TAFA2: variants seen among roughly 807,000 people sequenced by gnomAD.
TAFA2 encodes TAFA chemokine like family member 2.
Under a neutral mutation model 18.8 loss-of-function variants are expected in TAFA2, and 7 were observed. The ratio of observed to expected loss-of-function variants is 0.37; its 90% CI spans 0.21 to 0.70. The LOEUF (loss-of-function observed/expected upper bound fraction) is 0.70, where lower values mean the gene tolerates loss of function less well. Among genes scored for constraint, TAFA2 ranks in the 30% least tolerant of loss-of-function variants. The probability of loss-of-function intolerance (pLI) is 0.53; values close to 1 mark genes in which losing one functional copy is unlikely to be tolerated. For synonymous variants in TAFA2, 60 were observed against 54.2 expected, an observed-to-expected ratio of 1.11 and a Z score of -0.47; for missense variants, 122 against 158.1, an observed-to-expected ratio of 0.77 and a Z score of 1.23.
intron 1 of TAFA2, among the ~76,000 whole-genome samples, chr12:61,886,701 T>C (rs1310483621): frequency 6.6e-6 from 1 of 152,208 alleles, no homozygotes; most frequent in Admixed American, 6.5e-5. Flanking sequence ...AGGATGTACA[T>C]TAACAAAAGG....
At chr12:62,218,493 T>C (rs898417680) in intron 1 of TAFA2, among the ~76,000 whole-genome samples, 1 of 152,224 alleles carries the variant, frequency 6.6e-6, no homozygotes, top group African/African-American at 2.4e-5. Context: ...CACAATTTGC[T>C]ATTCAGCAAA....
chr12:62,223,042 T>TC (rs2062770571), intron 1 of TAFA2, among the ~76,000 whole-genome samples: 1 of 152,126 alleles, frequency 6.6e-6, no homozygotes, highest in Non-Finnish European at 1.5e-5. Context: ...GGAAACCATG[T>TC]TCTTGATTAG....
At chr12:61,763,589 G>C (rs539235643) in intron 2 of TAFA2, among the ~76,000 whole-genome samples, 18 of 152,008 alleles carry the variant, frequency 1.2e-4, no homozygotes, top group African/African-American at 4.3e-4. Context: ...TTCTGGAAAA[G>C]AGGTACGAGA....
chr12:61,834,372 T>G (rs1471843999), intron 2 of TAFA2, among the ~76,000 whole-genome samples: 1 of 152,064 alleles, frequency 6.6e-6, no homozygotes, highest in African/African-American at 2.4e-5. Flanking sequence ...TTGGATTCCT[T>G]ACCTGCATAT....
At chr12:61,738,860 G>C (rs772054403) in intron 4 of TAFA2, among the ~76,000 whole-genome samples, 18 of 152,094 alleles carry the variant, frequency 1.2e-4, no homozygotes, top group Non-Finnish European at 1.8e-4. Flanking sequence ...GATAGTAGAG[G>C]AAGTTTTGAG....
intron 1 of TAFA2, among the ~76,000 whole-genome samples, chr12:62,145,305 T>C (rs74098720): frequency 1.3e-5 from 2 of 152,106 alleles, no homozygotes; most frequent in African/African-American, 4.8e-5. Flanking sequence ...CTCCTGTCAG[T>C]TGGCGGTGGC....
intron 1 of TAFA2, among the ~76,000 whole-genome samples, chr12:61,887,749 A>G (rs1321544547): frequency 6.6e-6 from 1 of 150,608 alleles, no homozygotes; most frequent in African/African-American, 2.4e-5. Context: ...CCATGTCCCT[A>G]CAAAGGACAT....
chr12:61,918,040 T>C (rs942850849), intron 1 of TAFA2, among the ~76,000 whole-genome samples: 1 of 152,030 alleles, frequency 6.6e-6, no homozygotes, highest in African/African-American at 2.4e-5. Flanking sequence ...TCTGGGTACA[T>C]AGTGGATGTA....
Position 62,192,609 on chromosome 12 carries a change from A to T in TAFA2, c.-1352T>A, listed in dbSNP as rs890134954. 9 of 152,506 alleles carry T rather than the reference A, an allele frequency of 5.9e-5. No homozygotes were observed. Among genetic ancestry groups the T allele is most frequent in the African/African-American group, 2.2e-4 (9 of 41,590 alleles). 9.4% of individuals were successfully genotyped at this position (152,506 alleles called of 1,614,324 possible). On this transcript the variant is annotated 5_prime_UTR_variant, in exon 1 of 5. Transcript: ENST00000416284. Reference sequence around the variant, plus strand: ...TTCCACCCAGCCTGGCTGTCCAGTGAGTACAGAGTGACTTGGCTCCCCCGT... The same window carrying T: ...TTCCACCCAGCCTGGCTGTCCAGTGTGTACAGAGTGACTTGGCTCCCCCGT...
intron 1 of TAFA2, chr12:62,252,201 A>G (rs1232290406): frequency 1.3e-5 from 2 of 152,224 alleles, no homozygotes; most frequent in Non-Finnish European, 1.5e-5. Flanking sequence ...TCAATACTTT[A>G]CTAGTCAATT....
At chr12:61,813,804 A>T (rs1303479113) in intron 2 of TAFA2, among the ~76,000 whole-genome samples, 1 of 151,478 alleles carries the variant, frequency 6.6e-6, no homozygotes, top group Non-Finnish European at 1.5e-5. Context: ...TTGGTGTCTC[A>T]GTCTTTTCAT....
chr12:62,255,779 G>A (rs557946473), intron 1 of TAFA2, among the ~76,000 whole-genome samples: 1 of 152,234 alleles, frequency 6.6e-6, no homozygotes, highest in Non-Finnish European at 1.5e-5. Flanking sequence ...TCTTGAACTT[G>A]AGAGGCGAAG....
At chr12:61,757,184 T>C (rs910570786) in intron 2 of TAFA2, among the ~76,000 whole-genome samples, 1 of 152,058 alleles carries the variant, frequency 6.6e-6, no homozygotes. Flanking sequence ...GGAGTCTCTG[T>C]GATCAAGGAT....
chr12:62,194,330 C>CACACACACA (rs1555197318), upstream of TAFA2, among the ~76,000 whole-genome samples: 1 of 151,532 alleles, frequency 6.6e-6, no homozygotes, highest in Admixed American at 6.6e-5. Flanking sequence ...CACACACATA[C>CACACACACA]AAAAAAACAT....
rs576662243 is a variant in TAFA2 at position 61,861,157 on chromosome 12, G to C, written c.106+6163C>G. Reference sequence around the variant, plus strand: ...AGTAGAGATGAGATTTCGCCATGTTGCCCAGGCTGGTCTTGAAATCCTGGC... The same window carrying C: ...AGTAGAGATGAGATTTCGCCATGTTCCCCAGGCTGGTCTTGAAATCCTGGC... On this transcript the variant is annotated intron_variant, in intron 2 of 4. Coordinates refer to ENST00000416284, the MANE Select transcript of TAFA2 (RefSeq NM_178539.5). 2.6e-5 allele frequency among the ~76,000 whole-genome samples: 4 copies of C among 151,896 alleles called. No homozygotes were observed. The East Asian group carries it at 7.8e-4, about 29-fold the overall frequency.
intron 1 of TAFA2, among the ~76,000 whole-genome samples, chr12:61,941,397 T>C (rs1466617774): frequency 6.6e-6 from 1 of 152,168 alleles, no homozygotes; most frequent in Non-Finnish European, 1.5e-5. Context: ...AGTGAATTAA[T>C]AGGGTAGGCA....
intron 1 of TAFA2, chr12:62,234,484 G>T: frequency 9.2e-7 from 1 of 1,086,598 alleles, no homozygotes; most frequent in Non-Finnish European, 1.4e-6. Flanking sequence ...GAGATGGTCA[G>T]ACCTCATGAA....
chr12:61,778,678 GC>G (rs1870377467), intron 2 of TAFA2, among the ~76,000 whole-genome samples: 1 of 151,902 alleles, frequency 6.6e-6, no homozygotes, highest in African/African-American at 2.4e-5. Context: ...CAGGAAACAG[GC>G]TATGAAGTTA....
intron 2 of TAFA2, among the ~76,000 whole-genome samples, chr12:61,849,895 T>C (rs1043493151): frequency 6.6e-6 from 1 of 152,216 alleles, no homozygotes; most frequent in Admixed American, 6.5e-5. Context: ...CTAGTTATTA[T>C]ATTAGTTCCT....
Sources: allele counts gnomAD v4.1 joint callset (sites outside exome capture counted in the v4.1 genomes callset), GRCh38; gene constraint gnomAD v4.1.1; transcripts MANE v1.5; gene names NCBI Gene and HGNC (gene_info 2026-07-23, HGNC 2026-07-21).